ASNSD1: variants seen among roughly 807,000 people sequenced by gnomAD.
ASNSD1 encodes the protein asparagine synthetase domain containing 1.
In ASNSD1, 36 loss-of-function variants were observed where a neutral mutation model predicts 48.3. The observed-to-expected ratio is 0.75, with a 90% CI of 0.57 to 0.99. ASNSD1 has a LOEUF of 0.99. Among genes scored for constraint, ASNSD1 ranks in the 50% least tolerant of loss-of-function variants. The pLI, the probability that ASNSD1 is intolerant of heterozygous loss-of-function variation, is 0.00. For missense variants in ASNSD1, 714 were observed against 758.2 expected, an observed-to-expected ratio of 0.94 and a Z score of 0.69; for synonymous variants, 257 against 262.1, an observed-to-expected ratio of 0.98 and a Z score of 0.19.
rs778068492 is a variant in ASNSD1, at chr2:189,670,599, G to A, written c.1805G>A (p.Arg602Gln). Residue 602 changes from arginine to glutamine, a missense_variant, in exon 6 of 6, where the codon CGG (arginine) becomes CAG (glutamine). By Grantham distance (43) the Arg-to-Gln change is conservative. Coordinates refer to ENST00000260952, the MANE Select transcript of ASNSD1 (RefSeq NM_019048.4). ...GLTASALLPK[R>Q]AMQFGSRIAK... ...ACAGCCTCTGCTCTTCTGCCCAAAC[G>A]GGCCATGCAGTTTGGATCAAGAATT... The A allele has an allele frequency of 1.5e-5, 25 of 1,613,964 alleles. No homozygotes were observed. Among genetic ancestry groups the A allele is most frequent in the Middle Eastern group, 1.6e-4 (1 of 6,062 alleles).
Position 189,666,340 on chromosome 2 carries a change from G to A in ASNSD1, c.208G>A (p.Gly70Ser), listed in dbSNP as rs753541123. 9.3e-6 allele frequency: 15 copies of A among 1,613,806 alleles called. No homozygotes were observed. Among genetic ancestry groups the A allele is most frequent in the Middle Eastern group, 1.6e-4 (1 of 6,084 alleles). ...TACCCAGCCTGTGGAAGATGAAAGAGGCAATGTGTTTCTATGGAATGGAGA... is the reference window on the plus strand; with the variant it reads ...TACCCAGCCTGTGGAAGATGAAAGAAGCAATGTGTTTCTATGGAATGGAGA... Reference protein sequence around the residue: ...LTTQPVEDERGNVFLWNGEIF... With the variant: ...LTTQPVEDERSNVFLWNGEIF... Residue 70 changes from glycine (G) to serine (S), a missense_variant, in exon 4 of 6, where the codon GGC (glycine) becomes AGC (serine). Physicochemically the swap from Gly to Ser is moderately conservative, Grantham distance 56 (BLOSUM62 0). Coordinates refer to ENST00000260952, the MANE Select transcript of ASNSD1 (RefSeq NM_019048.4).
chr2:189,666,040 G>T lies in ASNSD1; in HGVS notation c.-92-1G>T. 3 of 1,331,860 alleles carry T rather than the reference G, an allele frequency of 2.3e-6. No individual in the cohort carries two copies. The highest frequency in any genetic ancestry group is 3.0e-6 in the Non-Finnish European group (3 of 983,806). The allele number at this position is 1,331,860 out of a possible 1,614,324, so 82.5% of individuals were successfully genotyped here. On this transcript the variant is annotated splice_acceptor_variant, in intron 3 of 5. Transcript: ENST00000260952. LOFTEE classifies it low-confidence loss of function (5UTR_SPLICE). ...ATATTTATTCTCCTTCCCTGCAACA[G>T]ATATATTGGATGAACTGAAAAAAGA... is the stretch of plus-strand genomic sequence containing the variant.
At chr2:189,664,693 G>A (rs1485626627) in intron 2 of ASNSD1, among the ~76,000 whole-genome samples, 2 of 151,610 alleles carry the variant, frequency 1.3e-5, no homozygotes, top group Admixed American at 6.6e-5. Context: ...AGGTTGCAGT[G>A]AGCTGAGCAC....
At chr2:189,663,455 G>A (rs543731391) in intron 1 of ASNSD1, among the ~76,000 whole-genome samples, 1 of 152,134 alleles carries the variant, frequency 6.6e-6, no homozygotes, top group South Asian at 2.1e-4. Flanking sequence ...GTGTCTGCAT[G>A]TTGGTCAGGC....
intron 1 of ASNSD1, among the ~76,000 whole-genome samples, chr2:189,662,583 GACAC>G (rs889824103): frequency 1.4e-4 from 21 of 152,268 alleles, no homozygotes; most frequent in Non-Finnish European, 2.8e-4. Context: ...ATTTTCAAAA[GACAC>G]ACAGCCCATT....
Position 189,666,522 on chromosome 2 carries a change from T to C in ASNSD1, c.390T>C (p.Tyr130=). 1 of 1,613,666 alleles carries C rather than the reference T, an allele frequency of 6.2e-7. No individual in the cohort carries two copies. The highest frequency in any genetic ancestry group is 8.5e-7 in the Non-Finnish European group (1 of 1,179,874). Residue 130 remains tyrosine (Y), a synonymous_variant, in exon 4 of 6, where the codon TAT becomes TAC. Coordinates refer to ENST00000260952, the MANE Select transcript of ASNSD1 (RefSeq NM_019048.4). ...TATATTATCAAGCATCTAGTCATTA[T>C]TTATGGTTTGGTAGGGATTTTTTTG... The part of the protein sequence containing the change: ...SFIYYQASSH[Y]LWFGRDFFGR...
Position 189,667,250 on chromosome 2 carries a change from A to G in ASNSD1, c.1118A>G (p.Lys373Arg). 1 of 1,614,174 alleles carries G rather than the reference A, an allele frequency of 6.2e-7. No homozygotes were observed. Among genetic ancestry groups the G allele is most frequent in the Non-Finnish European group, 8.5e-7 (1 of 1,180,026 alleles). The change falls in exon 4 of 6, where the codon AAA (lysine) becomes AGA (arginine). Residue 373 changes from lysine (K) to arginine (R), a missense_variant. By Grantham distance (26) the Lys-to-Arg change is conservative (BLOSUM62 2). Transcript: ENST00000260952. ...MPTTFNREGN[K>R]QKNKCEIPSE... The stretch of plus-strand genomic sequence containing the variant: ...ACTACCTTTAACAGAGAAGGGAATA[A>G]ACAGAAAAATAAATGTGAAATACCT...
chr2:189,662,873 G>A lies in ASNSD1; in HGVS notation c.-222-1028G>A, dbSNP rs530630151. 1.1e-3 allele frequency among the ~76,000 whole-genome samples: 168 copies of A among 150,988 alleles called. 3 individuals are homozygous for A. Among genetic ancestry groups the A allele is most frequent in the African/African-American group, 3.4e-3 (140 of 41,156 alleles). ...TAAGGTGTGAGAATCGCCTGAGCCC[G>A]GGAAGATCAAAGCTGCAGTGAGCCG... On this transcript the variant is annotated intron_variant, in intron 1 of 5. Coordinates refer to ENST00000260952, the MANE Select transcript of ASNSD1 (RefSeq NM_019048.4).
intron 1 of ASNSD1, among the ~76,000 whole-genome samples, chr2:189,663,559 A>G (rs1209565864): frequency 1.3e-5 from 2 of 152,172 alleles, no homozygotes; most frequent in Non-Finnish European, 2.9e-5. Flanking sequence ...GGCCTGGTGT[A>G]TATCATATAT....
At position 189,670,784 on chromosome 2, in the gene ASNSD1, G is replaced by C; in HGVS notation, c.*58G>C. ...TTTTTATATAATTATATAAAAGTAA[G>C]ATACTCTGCTGCTTTACTATTGTAT... On this transcript the variant is annotated 3_prime_UTR_variant, in exon 6 of 6. Coordinates refer to ENST00000260952, the MANE Select transcript of ASNSD1 (RefSeq NM_019048.4). 1 of 1,189,182 alleles carries C rather than the reference G, an allele frequency of 8.4e-7. No individual in the cohort carries two copies. The highest frequency in any genetic ancestry group is 1.1e-6 in the Non-Finnish European group (1 of 896,794). The allele number at this position is 1,189,182 out of a possible 1,614,324, so 73.7% of individuals were successfully genotyped here.
intron 1 of ASNSD1, among the ~76,000 whole-genome samples, chr2:189,663,576 C>T (rs1411147031): frequency 6.6e-6 from 1 of 152,190 alleles, no homozygotes; most frequent in Non-Finnish European, 1.5e-5. Context: ...ATATTTTTAA[C>T]AAAAGGTATA....
chr2:189,670,421 A>G lies in ASNSD1; in HGVS notation c.1647-20A>G. 6.3e-7 allele frequency: 1 copy of G among 1,576,614 alleles called. No homozygotes were observed. The highest frequency in any genetic ancestry group is 1.8e-5 in the Admixed American group (1 of 56,876). On this transcript the variant is annotated intron_variant, in intron 5 of 5. Transcript: ENST00000260952. ...TTGATTTTATTTTTACATAGTGGTT[A>G]TATTATCTGTCTATTTTAGATTTCC...
intron 3 of ASNSD1, 116 bp downstream of exon 3, chr2:189,665,567 C>T (rs1349121801): frequency 4.4e-6 from 1 of 229,458 alleles, no homozygotes; most frequent in Non-Finnish European, 7.7e-6. Flanking sequence ...ATTAGGCTTC[C>T]GAAGATGAGT....
At chr2:189,661,980 C>T (rs189799041) in intron 1 of ASNSD1, among the ~76,000 whole-genome samples, 201 of 152,296 alleles carry the variant, frequency 1.3e-3, no homozygotes, top group Non-Finnish European at 2.2e-3. Context: ...CATCCTTGAC[C>T]CCCATCATGG....
chr2:189,670,581 C>G lies in ASNSD1; in HGVS notation c.1787C>G (p.Ser596Cys), dbSNP rs996949993. The change falls in exon 6 of 6, where the codon TCT becomes TGT. Residue 596 changes from serine to cysteine, a missense_variant. Coordinates refer to ENST00000260952, the MANE Select transcript of ASNSD1 (RefSeq NM_019048.4). Reference protein sequence around the residue: ...LAAVELGLTASALLPKRAMQF... With the variant: ...LAAVELGLTACALLPKRAMQF... The stretch of plus-strand genomic sequence containing the variant: ...GCTGTGGAACTTGGTCTTACAGCCT[C>G]TGCTCTTCTGCCCAAACGGGCCATG... 24 of 1,614,084 alleles carry G rather than the reference C, an allele frequency of 1.5e-5. No individual in the cohort carries two copies. The highest frequency in any genetic ancestry group is 1.9e-5 in the Non-Finnish European group (22 of 1,179,994).
chr2:189,669,232 C>T (rs1253392810), intron 5 of ASNSD1, among the ~76,000 whole-genome samples: 3 of 152,150 alleles, frequency 2.0e-5, no homozygotes, highest in Non-Finnish European at 4.4e-5. Flanking sequence ...TTCAAGATTT[C>T]ACTATAAACT....
Position 189,665,407 on chromosome 2 carries a change from T to C in ASNSD1, c.-137T>C, listed in dbSNP as rs1235220386. 1.3e-5 allele frequency: 5 copies of C among 397,692 alleles called. No individual in the cohort carries two copies. The highest frequency in any genetic ancestry group is 4.1e-5 in the African/African-American group (2 of 48,442). 24.6% of individuals were successfully genotyped at this position (397,692 alleles called of 1,614,324 possible). The stretch of plus-strand genomic sequence containing the variant: ...TATAGGCAACAACAGAACAGCAATA[T>C]ATTCTTTCTTGCAGACCGAACAGAA... On this transcript the variant is annotated 5_prime_UTR_variant, in exon 3 of 6. Coordinates refer to ENST00000260952, the MANE Select transcript of ASNSD1 (RefSeq NM_019048.4).
chr2:189,670,266 T>A (rs911180610), intron 5 of ASNSD1, among the ~76,000 whole-genome samples, 175 bp from the exon 6 acceptor site: 2 of 152,178 alleles, frequency 1.3e-5, no homozygotes, highest in African/African-American at 4.8e-5. Context: ...TGAAATTATT[T>A]CTGGACACAA....
chr2:189,670,482 C>A lies in ASNSD1; in HGVS notation c.1688C>A (p.Ser563Tyr). ...LDENVVSFLN[S>Y]LPIWEKANLT... The stretch of plus-strand genomic sequence containing the variant: ...GAAAATGTTGTCTCCTTTCTAAATT[C>A]TCTGCCGATTTGGGAAAAAGCAAAC... The change falls in exon 6 of 6, where the codon TCT becomes TAT. Residue 563 changes from serine to tyrosine, a missense_variant. Coordinates refer to ENST00000260952, the MANE Select transcript of ASNSD1 (RefSeq NM_019048.4). 6.2e-7 allele frequency: 1 copy of A among 1,612,452 alleles called. No homozygotes were observed. Among genetic ancestry groups the A allele is most frequent in the Non-Finnish European group, 8.5e-7 (1 of 1,179,064 alleles).
Sources: allele counts gnomAD v4.1 joint callset (sites outside exome capture counted in the v4.1 genomes callset), GRCh38; gene constraint gnomAD v4.1.1; transcripts MANE v1.5; gene names NCBI Gene and HGNC (gene_info 2026-07-23, HGNC 2026-07-21).